CCDC50: variants seen among roughly 807,000 people sequenced by gnomAD.
CCDC50 encodes the protein coiled-coil domain containing 50, also known as coiled-coil domain-containing protein 50.
CCDC50 carries 54 observed loss-of-function variants against 70.2 expected under a neutral mutation model. That is an observed-to-expected ratio of 0.77 (90% CI 0.62 to 0.96). The LOEUF is 0.96. Ranked by LOEUF, CCDC50 falls within the 50% of genes least tolerant of loss-of-function variation. The pLI, the probability that CCDC50 is intolerant of heterozygous loss-of-function variation, is 0.00. For missense variants in CCDC50, 558 were observed against 578.7 expected (o/e 0.96, Z 0.37); for synonymous variants, 216 against 198.8 (o/e 1.09, Z -0.73).
intron 5 of CCDC50, among the ~76,000 whole-genome samples, chr3:191,374,687 C>T (rs1232442056): frequency 6.6e-6 from 1 of 152,132 alleles, no homozygotes; most frequent in African/African-American, 2.4e-5. Flanking sequence ...TACAAGATTC[C>T]TCAACCTCTA....
At chr3:191,355,980 G>A (rs968866738) in intron 1 of CCDC50, among the ~76,000 whole-genome samples, 1 of 152,164 alleles carries the variant, frequency 6.6e-6, no homozygotes, top group African/African-American at 2.4e-5. Context: ...GAACGGCAAA[G>A]GAACGTTTTT....
intron 1 of CCDC50, among the ~76,000 whole-genome samples, chr3:191,340,341 G>C (rs939962628): frequency 1.1e-4 from 17 of 152,170 alleles, no homozygotes; most frequent in Non-Finnish European, 2.1e-4. Context: ...TGTAAATTGG[G>C]CAAGTAAATC....
chr3:191,391,320 A>G (rs1215124168), intron 11 of CCDC50, among the ~76,000 whole-genome samples: 1 of 152,200 alleles, frequency 6.6e-6, no homozygotes, highest in Non-Finnish European at 1.5e-5. Context: ...AAGCATTTGC[A>G]TTTTTAAGAA....
At position 191,393,770 on chromosome 3, in the gene CCDC50, C is replaced by G. The variant is rs1713771827; in HGVS notation, c.*2010C>G. The stretch of plus-strand genomic sequence containing the variant: ...AATTCCAGATAGTGCTTTCAATATC[C>G]AAAGCTTAGGCCTTGTTTACTTATA... On this transcript the variant is annotated 3_prime_UTR_variant, in exon 12 of 12. Transcript: ENST00000392455. 6.6e-6 allele frequency: 1 copy of G among 152,068 alleles called. No individual in the cohort carries two copies. Among genetic ancestry groups the G allele is most frequent in the Non-Finnish European group, 1.5e-5 (1 of 68,002 alleles). 9.4% of individuals were successfully genotyped at this position (152,068 alleles called of 1,614,324 possible). A position where few individuals can be genotyped will look rare whatever the true frequency, so the allele number is the denominator to read the frequency against.
Position 191,358,113 on chromosome 3 carries a change from C to T in CCDC50, c.228C>T (p.Arg76=), listed in dbSNP as rs11542549. ...DLKAQAQLQK[R]YKDLEQQDCE... ...AAGCGCAGGCCCAGCTCCAGAAGCG[C>T]TACAAAGACCTGTGAGGATTTGGGA... The change falls in exon 3 of 12, where the codon CGC becomes CGT. Residue 76 remains arginine, a synonymous_variant. Transcript: ENST00000392455. The T allele has an allele frequency of 0.31, 497,205 of 1,613,326 alleles. 77,612 individuals carry two copies. Among genetic ancestry groups the T allele is most frequent in the Admixed American group, 0.32 (19,131 of 59,962 alleles).
intron 5 of CCDC50, among the ~76,000 whole-genome samples, chr3:191,372,408 G>T (rs533359830): frequency 4.5e-4 from 69 of 152,226 alleles, no homozygotes; most frequent in South Asian, 1.2e-3. Context: ...TCATTAATAT[G>T]CCCCTGTGTT....
intron 10 of CCDC50, among the ~76,000 whole-genome samples, chr3:191,385,705 G>A (rs1166246873): frequency 1.3e-5 from 2 of 150,590 alleles, no homozygotes; most frequent in Admixed American, 1.3e-4. Context: ...TGTTTTGGGG[G>A]TCTTCTTAAA....
At chr3:191,345,530 C>A (rs1041666740) in intron 1 of CCDC50, among the ~76,000 whole-genome samples, 1 of 152,042 alleles carries the variant, frequency 6.6e-6, no homozygotes, top group African/African-American at 2.4e-5. Flanking sequence ...AATAAGTTAC[C>A]CACTTTACTC....
At chr3:191,355,674 G>C (rs115160635) in intron 1 of CCDC50, among the ~76,000 whole-genome samples, 1,706 of 152,124 alleles carry the variant, frequency 0.011, 35 homozygotes, top group African/African-American at 0.039. Flanking sequence ...TGAAACATAA[G>C]GTAACTAGGA....
rs1414996157 is a variant in CCDC50 at position 191,395,837 on chromosome 3, T to A, written c.*4077T>A. On this transcript the variant is annotated 3_prime_UTR_variant, in exon 12 of 12. Coordinates refer to ENST00000392455, the MANE Select transcript of CCDC50 (RefSeq NM_178335.3). ...GACTATATAAAATGGTCCAATTTTCTCATTTCTGGTGGTGCCTGTGAGTCT... is the reference window on the plus strand; with the variant it reads ...GACTATATAAAATGGTCCAATTTTCACATTTCTGGTGGTGCCTGTGAGTCT... 1 of 152,208 alleles carries A rather than the reference T, an allele frequency of 6.6e-6. No individual in the cohort carries two copies. The highest frequency in any genetic ancestry group is 1.9e-4 in the East Asian group (1 of 5,206). 9.4% of individuals were successfully genotyped at this position (152,208 alleles called of 1,614,324 possible).
At chr3:191,337,579 G>A (rs745555414) in intron 1 of CCDC50, among the ~76,000 whole-genome samples, 1 of 151,804 alleles carries the variant, frequency 6.6e-6, no homozygotes, top group Non-Finnish European at 1.5e-5. Flanking sequence ...TCCTGACCTC[G>A]TGATCCGCCC....
chr3:191,365,811 A>G (rs1365278613), intron 4 of CCDC50, among the ~76,000 whole-genome samples: 1 of 152,190 alleles, frequency 6.6e-6, no homozygotes, highest in African/African-American at 2.4e-5. Context: ...TATCCCTTAT[A>G]CATTTATATG....
rs143628723 is a variant in CCDC50, at chr3:191,380,834, G to A, written c.1144G>A (p.Ala382Thr). 1.8e-4 allele frequency: 297 copies of A among 1,612,622 alleles called. No individual in the cohort carries two copies. The highest frequency in any genetic ancestry group is 3.0e-5 in the Non-Finnish European group (35 of 1,179,152). ...TTGACTGTATTTTGTTTAGGAAATC[G>A]CTCGACTTCTAATGGCTGAAGAAAA... Reference protein sequence around the residue: ...AAQVAQDEEIARLLMAEEKKA... With the variant: ...AAQVAQDEEITRLLMAEEKKA... The change falls in exon 9 of 12, where the codon GCT (alanine) becomes ACT (threonine). Residue 382 changes from alanine (A) to threonine (T), a missense_variant. Physicochemically the swap from Ala to Thr is moderately conservative, Grantham distance 58. Coordinates refer to ENST00000392455, the MANE Select transcript of CCDC50 (RefSeq NM_178335.3).
At chr3:191,364,404 TCTG>T (rs1712607983) in intron 4 of CCDC50, among the ~76,000 whole-genome samples, 1 of 151,564 alleles carries the variant, frequency 6.6e-6, no homozygotes, top group Non-Finnish European at 1.5e-5. Flanking sequence ...TCAATGCTCT[TCTG>T]CTTCCCTGTA....
chr3:191,335,422 A>T (rs550431366), intron 1 of CCDC50, among the ~76,000 whole-genome samples: 40 of 152,284 alleles, frequency 2.6e-4, no homozygotes, highest in African/African-American at 9.1e-4. Context: ...AATAACCTAG[A>T]TCTTAGATAA....
chr3:191,387,151 G>A (rs429521), intron 10 of CCDC50, among the ~76,000 whole-genome samples: 64,159 of 151,900 alleles, frequency 0.42, 15,223 homozygotes, highest in Non-Finnish European at 0.53. Flanking sequence ...GTTCTCATGA[G>A]TTTATAATCT....
intron 6 of CCDC50, among the ~76,000 whole-genome samples, chr3:191,375,831 A>G (rs1009364542): frequency 3.3e-5 from 5 of 152,128 alleles, no homozygotes; most frequent in Admixed American, 6.6e-5. Flanking sequence ...GAGTTATTCC[A>G]TGCCCAGGTT....
At chr3:191,357,942 T>G in intron 2 of CCDC50, 56 bp from the exon 3 acceptor site, 1 of 1,610,750 alleles carries the variant, frequency 6.2e-7, no homozygotes, top group Non-Finnish European at 8.5e-7. Context: ...ATTATGGCAT[T>G]TATTACTAAC....
chr3:191,388,785 G>T (rs1210350094), intron 10 of CCDC50, among the ~76,000 whole-genome samples: 3 of 152,034 alleles, frequency 2.0e-5, no homozygotes, highest in Admixed American at 6.6e-5. Context: ...TGATAATCTG[G>T]TGCTATCCTT....
Sources: gnomAD v4.1 joint callset for allele counts (sites outside exome capture counted in the v4.1 genomes callset) on GRCh38, gnomAD v4.1.1 for gene constraint, MANE v1.5 for transcripts, NCBI Gene and HGNC (gene_info 2026-07-23, HGNC 2026-07-21) for gene names.